Variants in ZSCAN25 observed in about 807,000 individuals in gnomAD.
ZSCAN25 encodes zinc finger and SCAN domain containing 25, also known as zinc finger and SCAN domain-containing protein 25.
In ZSCAN25, 27 loss-of-function variants were observed where a neutral mutation model predicts 38.7. The observed-to-expected ratio is 0.70, with a 90% CI of 0.51 to 0.96. The LOEUF (loss-of-function observed/expected upper bound fraction) is 0.96. Among genes scored for constraint, ZSCAN25 ranks in the 40% least tolerant of loss-of-function variants. The pLI, the probability that ZSCAN25 is intolerant of heterozygous loss-of-function variation, is 0.00. For missense variants in ZSCAN25, 637 were observed against 705.9 expected (o/e 0.90, Z 1.11); for synonymous variants, 273 against 277.7 (o/e 0.98, Z 0.17).
chr7:99,657,738 A>G, the ZSCAN25 span, among the ~76,000 whole-genome samples: 1 of 152,174 alleles, frequency 6.6e-6, no homozygotes, highest in South Asian at 2.1e-4. Context: ...GTAAGTCTCT[A>G]AAGACTTGCT....
chr7:99,685,442 T>C, the ZSCAN25 span, among the ~76,000 whole-genome samples: 1 of 152,230 alleles, frequency 6.6e-6, no homozygotes, highest in Non-Finnish European at 1.5e-5. Flanking sequence ...GAAATAATTC[T>C]CCTTTGCTAA....
rs751097026 is a variant in ZSCAN25, at chr7:99,629,157, A to G, written c.806-34A>G. 1 of 1,557,406 alleles carries G rather than the reference A, an allele frequency of 6.4e-7. No homozygotes were observed. The highest frequency in any genetic ancestry group is 8.7e-7 in the Non-Finnish European group (1 of 1,153,958). On this transcript the variant is annotated intron_variant, in intron 7 of 7. Transcript: ENST00000394152. This position sits in a 1 kb window ranked among gnomAD's most constrained non-coding sequence, Gnocchi z 5.6. ...AACATGTAAATGTCCTGCGGCTACC[A>G]CAGAATCAATCTTTATCTCCTCCTG...
intron 7 of ZSCAN25, among the ~76,000 whole-genome samples, chr7:99,627,975 T>C (rs919847569): frequency 2.0e-5 from 3 of 151,842 alleles, no homozygotes; most frequent in Admixed American, 6.6e-5. Context: ...CTTTGCATAG[T>C]GTGTGGTGAC....
chr7:99,679,736 T>C, the ZSCAN25 span: 2 of 1,275,302 alleles, frequency 1.6e-6, no homozygotes, highest in Non-Finnish European at 2.3e-6. Context: ...TGAACATCTC[T>C]TTTGATCTTC....
Position 99,629,432 on chromosome 7 carries a change from G to C in ZSCAN25, c.1047G>C (p.Gln349His), listed in dbSNP as rs1263489197. ...KTHSSFWKPF[Q>H]CPECGKGFSR... ...ACAGCTCCTTCTGGAAGCCTTTCCA[G>C]TGCCCTGAGTGTGGGAAAGGATTCA... The change falls in exon 8 of 8, where the codon CAG becomes CAC. Residue 349 changes from glutamine (Q) to histidine (H), a missense_variant. Physicochemically the swap from Gln to His is conservative, Grantham distance 24. Coordinates refer to ENST00000394152, the MANE Select transcript of ZSCAN25 (RefSeq NM_145115.3). The surrounding 1 kb of genome is among the most constrained non-coding windows in gnomAD (Gnocchi z 5.6). The C allele has an allele frequency of 2.5e-6, 4 of 1,614,116 alleles. No individual in the cohort carries two copies. The East Asian group carries it at 8.9e-5, about 36-fold the overall frequency.
At chr7:99,623,036 G>C (rs1410790394) in intron 6 of ZSCAN25, among the ~76,000 whole-genome samples, 1 of 152,146 alleles carries the variant, frequency 6.6e-6, no homozygotes, top group African/African-American at 2.4e-5. Context: ...TCGATCTCCT[G>C]ATCTTGTGAT....
At chr7:99,672,579 C>T in the ZSCAN25 span, 2 of 1,611,624 alleles carry the variant, frequency 1.2e-6, no homozygotes, top group Non-Finnish European at 1.7e-6. Flanking sequence ...TGGATGCTTA[C>T]CCTTCGATTT....
chr7:99,710,373 G>A, the ZSCAN25 span, among the ~76,000 whole-genome samples: 1 of 152,168 alleles, frequency 6.6e-6, no homozygotes, highest in Non-Finnish European at 1.5e-5. Context: ...GGCTCCATCA[G>A]ATCACAGCCA....
the ZSCAN25 span, chr7:99,695,607 G>A: frequency 2.8e-6 from 2 of 723,318 alleles, no homozygotes; most frequent in Non-Finnish European, 4.6e-6. Flanking sequence ...ACCTTGCCAT[G>A]CTCTGGATGA....
rs1808051202 is a variant in ZSCAN25, at chr7:99,632,171, T to C, written c.*2151T>C. ...ACTTTCCTATCTGGCCTCTTCCCTA[T>C]CTCCTGTGGGGCCAAGAGCTTAGGA... On this transcript the variant is annotated 3_prime_UTR_variant, in exon 8 of 8. Transcript: ENST00000394152. 1 of 985,296 alleles carries C rather than the reference T, an allele frequency of 1.0e-6. No individual in the cohort carries two copies. The highest frequency in any genetic ancestry group is 1.2e-6 in the Non-Finnish European group (1 of 829,936). 61.0% of individuals were successfully genotyped at this position (985,296 alleles called of 1,614,324 possible). A position where few individuals can be genotyped will look rare whatever the true frequency, so the allele number is the denominator to read the frequency against.
At position 99,632,011 on chromosome 7, in the gene ZSCAN25, G is replaced by A; in HGVS notation, c.*1991G>A. On this transcript the variant is annotated 3_prime_UTR_variant, in exon 8 of 8. Transcript: ENST00000394152. ...GAGGGTGGTTTTCCAAAGGCAGGTG[G>A]GGACTGGGGAGGCCTCGGGGGGCTG... 1.0e-6 allele frequency: 1 copy of A among 985,484 alleles called. No individual in the cohort carries two copies. Among genetic ancestry groups the A allele is most frequent in the Non-Finnish European group, 1.2e-6 (1 of 829,962 alleles). The allele number at this position is 985,484 out of a possible 1,614,324, so 61.0% of individuals were successfully genotyped here.
Position 99,630,444 on chromosome 7 carries a change from A to C in ZSCAN25, c.*424A>C. On this transcript the variant is annotated 3_prime_UTR_variant, in exon 8 of 8. Transcript: ENST00000394152. ...CCACCCCCTCTCTTTTCCATTGAAC[A>C]AACATTTATTGAACATCCTCTGAGC... 3 of 1,005,560 alleles carry C rather than the reference A, an allele frequency of 3.0e-6. No individual in the cohort carries two copies. The highest frequency in any genetic ancestry group is 3.6e-6 in the Non-Finnish European group (3 of 842,998). The allele number at this position is 1,005,560 out of a possible 1,614,324, so 62.3% of individuals were successfully genotyped here.
the ZSCAN25 span, among the ~76,000 whole-genome samples, chr7:99,645,861 G>A: frequency 6.6e-6 from 1 of 151,886 alleles, no homozygotes; most frequent in Admixed American, 6.6e-5. Flanking sequence ...TGGATGTATA[G>A]TTTGCATTTC....
chr7:99,691,605 T>C, the ZSCAN25 span, among the ~76,000 whole-genome samples: 7 of 152,330 alleles, frequency 4.6e-5, no homozygotes, highest in South Asian at 4.1e-4. Flanking sequence ...ATATTTAGGA[T>C]AGTTAGCTCT....
chr7:99,701,137 T>A, the ZSCAN25 span, among the ~76,000 whole-genome samples: 8 of 152,330 alleles, frequency 5.3e-5, no homozygotes, highest in East Asian at 1.5e-3. Flanking sequence ...CAAAATTGAC[T>A]AAGACCCAGA....
At chr7:99,641,723 C>G in the ZSCAN25 span, among the ~76,000 whole-genome samples, 3 of 152,282 alleles carry the variant, frequency 2.0e-5, no homozygotes, top group South Asian at 6.2e-4. Flanking sequence ...AGATGTCACT[C>G]TCTTATACCC....
chr7:99,714,766 A>C, the ZSCAN25 span: 5 of 1,571,044 alleles, frequency 3.2e-6, no homozygotes, highest in Non-Finnish European at 4.3e-6. Context: ...TTCTCTACCA[A>C]TCAGAAGAGT....
chr7:99,662,046 G>A, the ZSCAN25 span, among the ~76,000 whole-genome samples: 1 of 152,220 alleles, frequency 6.6e-6, no homozygotes, highest in African/African-American at 2.4e-5. This position sits in a 1 kb window ranked among gnomAD's most constrained non-coding sequence, Gnocchi z 4.3. Flanking sequence ...ATAGATAGAT[G>A]ATTAATTGAT....
rs138943893 is a variant in ZSCAN25 at position 99,630,652 on chromosome 7, C to T, written c.*632C>T. On this transcript the variant is annotated 3_prime_UTR_variant, in exon 8 of 8. Transcript: ENST00000394152. ...TCCTGCCCCGTGCTGGATCTTCCCT[C>T]CCCAGCTGGGATCTGCTCCCAGGCA... 1.1e-4 allele frequency: 105 copies of T among 985,660 alleles called. 1 individual carries two copies. In the African/African-American group the frequency reaches 1.8e-3, roughly 17 times the overall value. The allele number at this position is 985,660 out of a possible 1,614,324, so 61.1% of individuals were successfully genotyped here.
Sources: gnomAD v4.1 joint callset for allele counts (sites outside exome capture counted in the v4.1 genomes callset) on GRCh38, gnomAD v4.1.1 for gene constraint, Gnocchi (gnomAD v3.1) non-coding constraint, MANE v1.5 for transcripts, NCBI Gene and HGNC (gene_info 2026-07-23, HGNC 2026-07-21) for gene names.